THPO: variants seen among roughly 807,000 people sequenced by gnomAD.
THPO encodes thrombopoietin.
THPO carries 12 observed loss-of-function variants against 17.0 expected under a neutral mutation model. That is an observed-to-expected ratio of 0.71 (90% CI 0.45 to 1.14). The LOEUF (loss-of-function observed/expected upper bound fraction) is 1.14. Ranked by LOEUF, THPO falls within the 50% of genes most tolerant of loss-of-function variation. THPO has a pLI of 0.00. For missense variants in THPO, 365 were observed against 427.5 expected (o/e 0.85, Z 1.29); for synonymous variants, 188 against 183.0 (o/e 1.03, Z -0.22).
chr3:184,375,831 G>C (rs1440839165), intron 3 of THPO, 57 bp downstream of exon 3: 1 of 1,610,474 alleles, frequency 6.2e-7, no homozygotes, highest in Non-Finnish European at 8.5e-7. Flanking sequence ...GTCTTCCTGG[G>C]AGTATGGGTG....
In THPO at chr3:184,372,630, G is replaced by A. The variant is rs1713994862; in HGVS notation, c.945C>T (p.Thr315=). The A allele has an allele frequency of 6.2e-7, 1 of 1,613,434 alleles. No individual in the cohort carries two copies. The change falls in exon 6 of 6, where the codon ACC becomes ACT. Residue 315 remains threonine, a synonymous_variant. Coordinates refer to ENST00000647395, the MANE Select transcript of THPO (RefSeq NM_000460.4). ...TLFPLPPTLP[T]PVVQLHPLLP... is the part of the protein sequence containing the mutation. ...GCAGGGGGTGGAGCTGGACCACAGG[G>A]GTGGGCAAGGTGGGTGGAAGAGGGA...
At chr3:184,373,249 A>G (rs1391555326) in intron 5 of THPO, 71 bp from the exon 6 acceptor site, 1 of 1,595,866 alleles carries the variant, frequency 6.3e-7, no homozygotes, top group South Asian at 1.1e-5. Context: ...CTAAGTAGGA[A>G]AGACAGGATG....
intron 4 of THPO, among the ~76,000 whole-genome samples, chr3:184,374,993 G>A (rs1186622933): frequency 1.3e-5 from 2 of 152,152 alleles, no homozygotes; most frequent in Non-Finnish European, 2.9e-5. Context: ...TCGCCATGTT[G>A]GCCAGGCTGC....
In THPO at chr3:184,372,027, C is replaced by T. The variant is rs1713931999; in HGVS notation, c.*486G>A. On this transcript the variant is annotated 3_prime_UTR_variant, in exon 6 of 6. Transcript: ENST00000647395. ...TAGGGACAGCATTTCTGAGAGAAAG[C>T]TTATTCATTTCTCAAGAGTAAAGAT... is the stretch of plus-strand genomic sequence containing the variant. The T allele has an allele frequency of 5.9e-6, 1 of 169,148 alleles. No individual in the cohort carries two copies. The highest frequency in any genetic ancestry group is 1.3e-5 in the Non-Finnish European group (1 of 76,142). The allele number at this position is 169,148 out of a possible 1,614,324, so 10.5% of individuals were successfully genotyped here. A position where few individuals can be genotyped will look rare whatever the true frequency, so the allele number is the denominator to read the frequency against.
At chr3:184,377,434 TTA>T (rs1243208020) in intron 1 of THPO, among the ~76,000 whole-genome samples, 1 of 152,206 alleles carries the variant, frequency 6.6e-6, no homozygotes, top group East Asian at 1.9e-4. Flanking sequence ...GATGCCCACC[TTA>T]GGGGCTTACC....
At position 184,373,584 on chromosome 3, in the gene THPO, TG is replaced by T; in HGVS notation, c.229-3del. The T allele has an allele frequency of 6.2e-7, 1 of 1,613,624 alleles. No individual in the cohort carries two copies. Among genetic ancestry groups the T allele is most frequent in the South Asian group, 1.1e-5 (1 of 91,050 alleles). ...AATGTCCTGTGCCTTGGTCTCCTCC[TG>T]AGAAAGAGATGGAAGAGAGAAGCGC... On this transcript the variant is annotated splice_polypyrimidine_tract_variant and splice_region_variant and intron_variant, in intron 4 of 5. Coordinates refer to ENST00000647395, the MANE Select transcript of THPO (RefSeq NM_000460.4).
In THPO at chr3:184,376,931, G is replaced by A. The variant is rs73189651; in HGVS notation, c.-145-527C>T. ...TTTTGTCAGGACTCCTCAGTGAATC[G>A]GACATGGATTTGGTGCCACCTACCC... On this transcript the variant is annotated intron_variant, in intron 1 of 5. Transcript: ENST00000647395. Among the ~76,000 whole-genome samples, 241 of 152,170 alleles carry A rather than the reference G, an allele frequency of 1.6e-3. 1 individual carries two copies. The highest frequency in any genetic ancestry group is 6.8e-3 in the Middle Eastern group (2 of 294).
At position 184,375,529 on chromosome 3, in the gene THPO, A is replaced by T. The variant is rs1269335284; in HGVS notation, c.214T>A (p.Trp72Arg). The T allele has an allele frequency of 6.2e-7, 1 of 1,614,058 alleles. No individual in the cohort carries two copies. The highest frequency in any genetic ancestry group is 8.5e-7 in the Non-Finnish European group (1 of 1,180,036). ...GGCTTTCTTACCATCTGGGTTTTCC[A>T]TTCTCCCAAGCTAAAGTCCACAGCA... ...LPAVDFSLGE[W>R]KTQMEETKAQ... is the part of the protein sequence containing the mutation. Residue 72 changes from tryptophan (W) to arginine (R), a missense_variant, in exon 4 of 6, where the codon TGG becomes AGG. Transcript: ENST00000647395.
Position 184,372,516 on chromosome 3 carries a change from C to A in THPO, c.1059G>T (p.Gly353=). Residue 353 remains glycine, a synonymous_variant, in exon 6 of 6, where the codon GGG becomes GGT. Transcript: ENST00000647395. ...ATGTCGGCAGTGTCTGAGAACCTTA[C>A]CCTTCCTGAGACAGATTCTGGGAGT... is the stretch of plus-strand genomic sequence containing the variant. ...YTHSQNLSQE[G] 1.2e-6 allele frequency: 2 copies of A among 1,614,058 alleles called. No individual in the cohort carries two copies. Among genetic ancestry groups the A allele is most frequent in the Non-Finnish European group, 1.7e-6 (2 of 1,180,030 alleles).
At chr3:184,378,319 C>G, upstream of THPO, 1 of 985,540 alleles carries the variant, frequency 1.0e-6, no homozygotes, top group Non-Finnish European at 1.2e-6. Context: ...CCCACACACA[C>G]CACGGAGAAG....
In THPO at chr3:184,375,868, A is replaced by C. The variant is rs747834888; in HGVS notation, c.141+20T>G. ...CTTACCAGTTACGCGGATAAAGGGG[A>C]TAATGTTGGGAGTTCTCACCAGTCT... On this transcript the variant is annotated intron_variant, in intron 3 of 5. Coordinates refer to ENST00000647395, the MANE Select transcript of THPO (RefSeq NM_000460.4). The C allele has an allele frequency of 1.2e-5, 19 of 1,612,420 alleles. No homozygotes were observed. In the African/African-American group the frequency reaches 2.3e-4, roughly 19 times the overall value.
Position 184,375,955 on chromosome 3 carries a change from G to T in THPO, c.74C>A (p.Pro25His), listed in dbSNP as rs1714357703. 1 of 1,613,940 alleles carries T rather than the reference G, an allele frequency of 6.2e-7. No homozygotes were observed. The highest frequency in any genetic ancestry group is 1.3e-5 in the African/African-American group (1 of 75,010). The change falls in exon 3 of 6, where the codon CCT (proline) becomes CAT (histidine). Residue 25 changes from proline (P) to histidine (H), a missense_variant. Transcript: ENST00000647395. Reference sequence around the variant, plus strand: ...GAGGACTCGGAGGTCACAAGCAGGAGGAGCCGGGCTGGACAGCGTTAGCCT... The same window carrying T: ...GAGGACTCGGAGGTCACAAGCAGGATGAGCCGGGCTGGACAGCGTTAGCCT... ...TARLTLSSPA[P>H]PACDLRVLSK...
At chr3:184,376,185 C>CCTTTCTCT in intron 2 of THPO, 62 bp downstream of exon 2, 1 of 1,613,816 alleles carries the variant, frequency 6.2e-7, no homozygotes, top group Non-Finnish European at 8.5e-7. Flanking sequence ...CAGCGTGTCT[C>CCTTTCTCT]CTTTCTCTCT....
Position 184,372,807 on chromosome 3 carries a change from T to G in THPO, c.768A>C (p.Gly256=). The G allele has an allele frequency of 6.2e-7, 1 of 1,614,094 alleles. No homozygotes were observed. Among genetic ancestry groups the G allele is most frequent in the Middle Eastern group, 1.6e-4 (1 of 6,062 alleles). ...YLNRIHELLN[G]TRGLFPGPSR... is the part of the protein sequence containing the mutation. ...AGGGTCCAGGAAAGAGTCCACGAGTTCCATTCAAGAGTTCGTGTATCCTGT... is the reference window on the plus strand; with the variant it reads ...AGGGTCCAGGAAAGAGTCCACGAGTGCCATTCAAGAGTTCGTGTATCCTGT... The change falls in exon 6 of 6, where the codon GGA becomes GGC. Residue 256 remains glycine, a synonymous_variant. Coordinates refer to ENST00000647395, the MANE Select transcript of THPO (RefSeq NM_000460.4).
At chr3:184,374,060 T>C (rs1714186544) in intron 4 of THPO, among the ~76,000 whole-genome samples, 1 of 152,126 alleles carries the variant, frequency 6.6e-6, no homozygotes, top group African/African-American at 2.4e-5. Flanking sequence ...AAACCCCATC[T>C]CTACCAAAAA....
At position 184,373,592 on chromosome 3, in the gene THPO, A is replaced by ATG; in HGVS notation, c.229-11_229-10insCA. 1 of 1,611,900 alleles carries ATG rather than the reference A, an allele frequency of 6.2e-7. No homozygotes were observed. Among genetic ancestry groups the ATG allele is most frequent in the Non-Finnish European group, 8.5e-7 (1 of 1,178,938 alleles). ...GTGCCTTGGTCTCCTCCTGAGAAAG[A>ATG]GATGGAAGAGAGAAGCGCACTGCCT... is the stretch of plus-strand genomic sequence containing the variant. On this transcript the variant is annotated splice_polypyrimidine_tract_variant and intron_variant, in intron 4 of 5. Transcript: ENST00000647395.
intron 4 of THPO, among the ~76,000 whole-genome samples, chr3:184,374,223 G>A (rs754394271): frequency 3.0e-4 from 46 of 152,104 alleles, no homozygotes; most frequent in Admixed American, 8.5e-4. Context: ...GTGAGACTCC[G>A]TCTCAAATAA....
upstream of THPO, chr3:184,378,686 G>A (rs1423260965): frequency 1.7e-6 from 1 of 578,260 alleles, no homozygotes. Flanking sequence ...GAAAGGGTTT[G>A]GACGGGTTGA....
intron 4 of THPO, 81 bp downstream of exon 4, chr3:184,375,434 G>A (rs193252895): frequency 6.3e-6 from 9 of 1,431,354 alleles, no homozygotes; most frequent in Middle Eastern, 2.0e-4. Flanking sequence ...AAAAGCTCAA[G>A]AATGTTGGAG....
Sources: gnomAD v4.1 joint callset for allele counts (sites outside exome capture counted in the v4.1 genomes callset) on GRCh38, gnomAD v4.1.1 for gene constraint, MANE v1.5 for transcripts, NCBI Gene and HGNC (gene_info 2026-07-23, HGNC 2026-07-21) for gene names.